EXOC6: variants seen among roughly 807,000 people sequenced by gnomAD.
EXOC6 encodes SEC15-like 1.
In EXOC6, 60 loss-of-function variants were observed where a neutral mutation model predicts 112.5. That is an observed-to-expected ratio of 0.53 (90% CI 0.43 to 0.66). The LOEUF (loss-of-function observed/expected upper bound fraction) is 0.66. Ranked by LOEUF, EXOC6 falls within the 30% of genes least tolerant of loss-of-function variation. The pLI, the probability that EXOC6 is intolerant of heterozygous loss-of-function variation, is 0.00. For missense variants in EXOC6, 855 were observed against 957.1 expected, an observed-to-expected ratio of 0.89 and a Z score of 1.41; for synonymous variants, 295 against 308.0, an observed-to-expected ratio of 0.96 and a Z score of 0.44.
intron 1 of EXOC6, among the ~76,000 whole-genome samples, chr10:92,853,092 G>C (rs1235596120): frequency 6.6e-6 from 1 of 152,112 alleles, no homozygotes; most frequent in Non-Finnish European, 1.5e-5. Flanking sequence ...AGCCAATTGT[G>C]TTTCTCTGTA....
chr10:92,892,159 T>G (rs1849534236), intron 1 of EXOC6, among the ~76,000 whole-genome samples: 1 of 152,190 alleles, frequency 6.6e-6, no homozygotes, highest in African/African-American at 2.4e-5. Context: ...CTAGAGGGAC[T>G]TGCAAAATTC....
intron 1 of EXOC6, among the ~76,000 whole-genome samples, chr10:92,872,272 T>C (rs1199559399): frequency 6.6e-6 from 1 of 152,102 alleles, no homozygotes; most frequent in Admixed American, 6.5e-5. Context: ...ATTATGTGTT[T>C]TTTATAACTT....
intron 13 of EXOC6, 182 bp from the exon 14 acceptor site, chr10:92,948,092 C>T (rs1853145478): frequency 2.1e-6 from 1 of 479,524 alleles, no homozygotes; most frequent in African/African-American, 2.1e-5. Flanking sequence ...TTTTGAGGGA[C>T]AAGACCTATT....
At chr10:92,929,545 T>C (rs4933246) in intron 9 of EXOC6, among the ~76,000 whole-genome samples, 45,135 of 152,022 alleles carry the variant, frequency 0.3, 7,503 homozygotes, top group East Asian at 0.74. Flanking sequence ...AGACTCGATA[T>C]TTGAATTATT....
Position 92,974,348 on chromosome 10 carries a change from C to T in EXOC6, c.1953+116C>T, listed in dbSNP as rs530747313. On this transcript the variant is annotated intron_variant, in intron 18 of 21. Coordinates refer to ENST00000260762, the MANE Select transcript of EXOC6 (RefSeq NM_019053.6). ...TTCTTGGAGTGCATGTTTCTTTCTC[C>T]ATTATTATAAATCCATTTGTAAGGA... The T allele has an allele frequency of 1.8e-5, 10 of 548,346 alleles. No homozygotes were observed. The South Asian group carries it at 3.4e-4, about 19-fold the overall frequency. 34.0% of individuals were successfully genotyped at this position (548,346 alleles called of 1,614,324 possible).
intron 1 of EXOC6, among the ~76,000 whole-genome samples, chr10:92,857,178 G>C (rs1433972802): frequency 8.9e-6 from 1 of 111,812 alleles, no homozygotes; most frequent in Non-Finnish European, 1.9e-5. Flanking sequence ...TTTTTTTTTT[G>C]CTCCTCTATT....
At chr10:92,932,766 AG>A (rs1852117087) in intron 9 of EXOC6, among the ~76,000 whole-genome samples, 1 of 152,212 alleles carries the variant, frequency 6.6e-6, no homozygotes, top group Non-Finnish European at 1.5e-5. Context: ...ATAAATATTT[AG>A]GTAAATCTAA....
At chr10:92,976,062 CCCCCGCCCGGCCAGCCG>C (rs1421633862) in intron 18 of EXOC6, among the ~76,000 whole-genome samples, 1 of 147,342 alleles carries the variant, frequency 6.8e-6, no homozygotes, top group East Asian at 2.1e-4. Context: ...GGGGGTCAGC[CCCCCGCCCGGCCAGCCG>C]CCCCGCCCGG....
upstream of EXOC6, among the ~76,000 whole-genome samples, chr10:92,830,438 A>G (rs1846456441): frequency 1.3e-5 from 2 of 152,228 alleles, no homozygotes; most frequent in South Asian, 4.1e-4. Flanking sequence ...AAAGGCCCAG[A>G]AAAGGGCCCC....
intron 13 of EXOC6, among the ~76,000 whole-genome samples, chr10:92,944,120 A>G (rs1852831773): frequency 6.6e-6 from 1 of 151,998 alleles, no homozygotes; most frequent in African/African-American, 2.4e-5. Context: ...CATTGTGTAT[A>G]TGCACTTTTT....
At chr10:92,982,659 T>C (rs908767674) in intron 18 of EXOC6, among the ~76,000 whole-genome samples, 1 of 152,216 alleles carries the variant, frequency 6.6e-6, no homozygotes, top group African/African-American at 2.4e-5. Context: ...AAAACTATTA[T>C]AGTAGAAACT....
chr10:93,048,695 G>A (rs1846123690), intron 20 of EXOC6, among the ~76,000 whole-genome samples: 1 of 147,482 alleles, frequency 6.8e-6, no homozygotes, highest in African/African-American at 2.5e-5. Flanking sequence ...GGCAGAGGTT[G>A]CAGTGAGCCA....
At chr10:93,001,174 C>A (rs1843739118) in intron 19 of EXOC6, among the ~76,000 whole-genome samples, 1 of 151,912 alleles carries the variant, frequency 6.6e-6, no homozygotes, top group Non-Finnish European at 1.5e-5. Context: ...GGTCAGGATA[C>A]CATGGAAATC....
In EXOC6 at chr10:92,983,418, C is replaced by A. The variant is rs561266616; in HGVS notation, c.1953+9186C>A. Among the ~76,000 whole-genome samples, 4 of 151,704 alleles carry A rather than the reference C, an allele frequency of 2.6e-5. No individual in the cohort carries two copies. The East Asian group carries it at 7.7e-4, about 29-fold the overall frequency. ...AGTGAGCCTGTGAAATACAAAAGTA[C>A]AAGTAGCAACCTTTCCCTTCCCCTT... is the stretch of plus-strand genomic sequence containing the variant. On this transcript the variant is annotated intron_variant, in intron 18 of 21. Coordinates refer to ENST00000260762, the MANE Select transcript of EXOC6 (RefSeq NM_019053.6).
At chr10:92,863,012 G>T in intron 1 of EXOC6, among the ~76,000 whole-genome samples, 1 of 152,144 alleles carries the variant, frequency 6.6e-6, no homozygotes. Flanking sequence ...ATACAAGCTC[G>T]ACTTAACAGC....
intron 1 of EXOC6, among the ~76,000 whole-genome samples, chr10:92,887,312 C>T (rs1380857553): frequency 6.7e-6 from 1 of 150,148 alleles, no homozygotes; most frequent in African/African-American, 2.5e-5. Context: ...TAGCAAATTT[C>T]TAGACTAGTT....
At chr10:92,843,976 C>CAAAAAAAA (rs34641974), upstream of EXOC6, among the ~76,000 whole-genome samples, 1 of 37,896 alleles carries the variant, frequency 2.6e-5, no homozygotes, top group African/African-American at 1.2e-4. Context: ...GACTCTGTCT[C>CAAAAAAAA]AAAAAAAAAA....
At chr10:92,981,693 A>G (rs1183436316) in intron 18 of EXOC6, among the ~76,000 whole-genome samples, 1 of 152,204 alleles carries the variant, frequency 6.6e-6, no homozygotes, top group Non-Finnish European at 1.5e-5. Flanking sequence ...TAGTAGATAA[A>G]TCTGGTTCTA....
At chr10:92,934,530 C>T (rs1852241706) in intron 11 of EXOC6, 100 bp downstream of exon 11, 4 of 1,024,960 alleles carry the variant, frequency 3.9e-6, no homozygotes, top group Admixed American at 6.1e-5. Flanking sequence ...CATCATTCTG[C>T]ATTTTTTTAG....
Sources: allele counts gnomAD v4.1 joint callset (sites outside exome capture counted in the v4.1 genomes callset), GRCh38; gene constraint gnomAD v4.1.1; transcripts MANE v1.5; gene names NCBI Gene and HGNC (gene_info 2026-07-23, HGNC 2026-07-21).